The following WAC variants were observed in gnomAD, a reference collection of about 807,000 sequenced individuals.
WAC encodes the protein WW domain containing adaptor with coiled-coil, also known as WW domain-containing adapter protein with coiled-coil.
In WAC, 11 loss-of-function variants were observed where a neutral mutation model predicts 79.6. That is an observed-to-expected ratio of 0.14 (90% CI 0.09 to 0.23). The LOEUF (loss-of-function observed/expected upper bound fraction) is 0.23. Among genes scored for constraint, WAC ranks in the 10% least tolerant of loss-of-function variants. The pLI is 1.00. For synonymous variants in WAC, 304 were observed against 276.9 expected (o/e 1.10, Z -0.97); for missense variants, 728 against 773.5 (o/e 0.94, Z 0.70).
rs1195888563 is a variant in WAC, at chr10:28,622,846, C to T, written c.*3240C>T. 6.6e-6 allele frequency: 1 copy of T among 152,148 alleles called. No individual in the cohort carries two copies. Among genetic ancestry groups the T allele is most frequent in the Non-Finnish European group, 1.5e-5 (1 of 68,014 alleles). The allele number at this position is 152,148 out of a possible 1,614,324, so 9.4% of individuals were successfully genotyped here. A position where few individuals can be genotyped will look rare whatever the true frequency, so the allele number is the denominator to read the frequency against. The stretch of plus-strand genomic sequence containing the variant: ...AGAGGGCAACGCGGGAAATAATTCA[C>T]TCTGCGCACCGGAACTATTGTAGTT... On this transcript the variant is annotated 3_prime_UTR_variant, in exon 14 of 14. Transcript: ENST00000354911.
At chr10:28,547,552 C>T (rs1036380563) in intron 3 of WAC, among the ~76,000 whole-genome samples, 9 of 151,694 alleles carry the variant, frequency 5.9e-5, no homozygotes, top group African/African-American at 2.2e-4. Flanking sequence ...AAAAAAAAGA[C>T]TTGTAACTTT....
chr10:28,542,947 T>C (rs1837141676), intron 3 of WAC, among the ~76,000 whole-genome samples: 1 of 152,260 alleles, frequency 6.6e-6, no homozygotes, highest in Non-Finnish European at 1.5e-5. Context: ...GTGAGAGTTT[T>C]AATGTTTTTA....
intron 2 of WAC, 127 bp downstream of exon 2, chr10:28,534,161 G>A (rs1836477796): frequency 1.1e-6 from 1 of 911,606 alleles, no homozygotes; most frequent in Admixed American, 3.5e-5. Context: ...AACTAGCACC[G>A]CGGATCCCCT....
At chr10:28,586,518 A>G (rs1839829225) in intron 4 of WAC, among the ~76,000 whole-genome samples, 1 of 152,090 alleles carries the variant, frequency 6.6e-6, no homozygotes, top group Admixed American at 6.6e-5. Context: ...TCTACAAAAA[A>G]ATAAAAATAA....
chr10:28,550,848 A>G (rs960614125), intron 3 of WAC, among the ~76,000 whole-genome samples: 1 of 152,200 alleles, frequency 6.6e-6, no homozygotes, highest in African/African-American at 2.4e-5. Flanking sequence ...TGATGTGCTA[A>G]TTCCAAACCA....
At chr10:28,553,533 C>A (rs1837815077) in intron 3 of WAC, among the ~76,000 whole-genome samples, 1 of 151,906 alleles carries the variant, frequency 6.6e-6, no homozygotes, top group Admixed American at 6.6e-5. Flanking sequence ...AAATGTATGG[C>A]TTTTTCTTTT....
At chr10:28,569,203 C>T (rs1838811887) in intron 3 of WAC, among the ~76,000 whole-genome samples, 1 of 152,080 alleles carries the variant, frequency 6.6e-6, no homozygotes, top group African/African-American at 2.4e-5. Context: ...AATAACTGTT[C>T]TTTATAGAAA....
chr10:28,575,607 C>T (rs548039212), intron 3 of WAC, among the ~76,000 whole-genome samples: 16 of 152,260 alleles, frequency 1.1e-4, no homozygotes, highest in Admixed American at 3.3e-4. Flanking sequence ...CTTTGATATG[C>T]GCTTTGGCAA....
intron 3 of WAC, among the ~76,000 whole-genome samples, chr10:28,536,245 TAAA>T (rs5784067): frequency 1.4e-4 from 20 of 142,356 alleles, no homozygotes; most frequent in Admixed American, 2.1e-4. Context: ...GAGACTCCAT[TAAA>T]AAAAAAAAAA....
intron 3 of WAC, among the ~76,000 whole-genome samples, chr10:28,581,365 C>A (rs751835418): frequency 6.7e-6 from 1 of 148,380 alleles, no homozygotes; most frequent in Admixed American, 6.8e-5. Flanking sequence ...GGGACTAGTG[C>A]AAGCCACTGT....
intron 7 of WAC, 26 bp from the exon 8 acceptor site, chr10:28,608,160 T>C (rs1441576758): frequency 6.2e-7 from 1 of 1,611,498 alleles, no homozygotes; most frequent in Admixed American, 1.7e-5. Flanking sequence ...CAGGTAATTT[T>C]TCAGGCTGAT....
At chr10:28,551,820 T>TGTGTGTGTGTGTGTG (rs1564380042) in intron 3 of WAC, among the ~76,000 whole-genome samples, 1 of 53,744 alleles carries the variant, frequency 1.9e-5, no homozygotes, top group East Asian at 6.9e-4. Flanking sequence ...GTGTGTGTGT[T>TGTGTGTGTGTGTGTG]TCTTTTTTTT....
intron 4 of WAC, among the ~76,000 whole-genome samples, chr10:28,586,259 C>T (rs912612709): frequency 6.6e-6 from 1 of 152,098 alleles, no homozygotes; most frequent in Non-Finnish European, 1.5e-5. Flanking sequence ...CAGATTAAGG[C>T]GTTAACATTT....
intron 3 of WAC, among the ~76,000 whole-genome samples, chr10:28,581,572 T>C (rs2132617483): frequency 6.6e-6 from 1 of 152,230 alleles, no homozygotes; most frequent in South Asian, 2.1e-4. Flanking sequence ...GTTTGTTTTT[T>C]GAGACAGAGT....
At chr10:28,618,505 A>G (rs1841570314) in intron 13 of WAC, among the ~76,000 whole-genome samples, 1 of 152,144 alleles carries the variant, frequency 6.6e-6, no homozygotes, top group South Asian at 2.1e-4. Context: ...TTGGGTTCTT[A>G]TAGTCAGATT....
intron 3 of WAC, among the ~76,000 whole-genome samples, chr10:28,552,620 A>T (rs1295238947): frequency 6.6e-6 from 1 of 152,206 alleles, no homozygotes; most frequent in African/African-American, 2.4e-5. Context: ...TCATATAGTC[A>T]GAACTCTTTG....
intron 3 of WAC, among the ~76,000 whole-genome samples, chr10:28,567,401 C>T (rs1052260658): frequency 6.6e-6 from 1 of 152,020 alleles, no homozygotes; most frequent in Non-Finnish European, 1.5e-5. Context: ...TAATTGTGCC[C>T]TTAAAATTTG....
rs1274149678 is a variant in WAC, at chr10:28,621,868, T to G, written c.*2262T>G. The G allele has an allele frequency of 1.3e-5, 2 of 152,242 alleles. No individual in the cohort carries two copies. Among genetic ancestry groups the G allele is most frequent in the African/African-American group, 4.8e-5 (2 of 41,468 alleles). 9.4% of individuals were successfully genotyped at this position (152,242 alleles called of 1,614,324 possible). On this transcript the variant is annotated 3_prime_UTR_variant, in exon 14 of 14. Transcript: ENST00000354911. ...AGGAGAAGATGCCTAATTTGGTATT[T>G]CTTAATAGTGAATTTTTTTTTTTCT...
chr10:28,604,125 T>C lies in WAC; in HGVS notation c.920-4061T>C, dbSNP rs141227875. On this transcript the variant is annotated intron_variant, in intron 7 of 13. Coordinates refer to ENST00000354911, the MANE Select transcript of WAC (RefSeq NM_016628.5). ...AAAATAAGTTTAAGTTAAATTTGTC[T>C]CTACATAGTGTTACTTAGCTTTATG... 2.7e-3 allele frequency among the ~76,000 whole-genome samples: 411 copies of C among 151,236 alleles called. 2 individuals are homozygous for C. The highest frequency in any genetic ancestry group is 9.5e-3 in the African/African-American group (390 of 41,256).
Sources: gnomAD v4.1 joint callset for allele counts (sites outside exome capture counted in the v4.1 genomes callset) on GRCh38, gnomAD v4.1.1 for gene constraint, MANE v1.5 for transcripts, NCBI Gene and HGNC (gene_info 2026-07-23, HGNC 2026-07-21) for gene names.